The following UNC5D variants were observed in gnomAD, a reference collection of about 807,000 sequenced individuals.
UNC5D encodes unc-5 netrin receptor D, also known as netrin receptor UNC5D.
A neutral mutation model predicts 105.4 loss-of-function variants in UNC5D; 39 were observed. That is an observed-to-expected ratio of 0.37 (90% CI 0.29 to 0.48). The LOEUF (loss-of-function observed/expected upper bound fraction) is 0.48, where lower values mean the gene tolerates loss of function less well. Among genes scored for constraint, UNC5D ranks in the 20% least tolerant of loss-of-function variants. The pLI is 0.98. For missense variants in UNC5D, 991 were observed against 1,202.4 expected (o/e 0.82, Z 2.60); for synonymous variants, 452 against 450.4 (o/e 1.00, Z -0.04).
At chr8:35,505,450 T>G (rs1812250151) in intron 1 of UNC5D, among the ~76,000 whole-genome samples, 1 of 152,216 alleles carries the variant, frequency 6.6e-6, no homozygotes, top group South Asian at 2.1e-4. Flanking sequence ...TGGAAACTCC[T>G]GACAGTAGAA....
At chr8:35,472,938 G>A (rs985442846) in intron 1 of UNC5D, among the ~76,000 whole-genome samples, 1 of 152,204 alleles carries the variant, frequency 6.6e-6, no homozygotes, top group Non-Finnish European at 1.5e-5. Context: ...AATGACACCA[G>A]GTGGGAGTAA....
intron 1 of UNC5D, among the ~76,000 whole-genome samples, chr8:35,265,437 G>C (rs1397150894): frequency 6.6e-6 from 1 of 152,122 alleles, no homozygotes; most frequent in Non-Finnish European, 1.5e-5. Flanking sequence ...AGCAGCTATA[G>C]ACAATCCATT....
chr8:35,707,432 GGGA>G (rs1302223279), intron 8 of UNC5D, among the ~76,000 whole-genome samples: 1 of 152,114 alleles, frequency 6.6e-6, no homozygotes, highest in Non-Finnish European at 1.5e-5. Flanking sequence ...TTGAATTTAT[GGGA>G]AGACTGAGTT....
chr8:35,319,662 G>T (rs768398919), intron 1 of UNC5D, among the ~76,000 whole-genome samples: 1 of 152,040 alleles, frequency 6.6e-6, no homozygotes, highest in Non-Finnish European at 1.5e-5. Context: ...ATCCAGAAAG[G>T]AATAAGACTG....
intron 1 of UNC5D, among the ~76,000 whole-genome samples, chr8:35,512,255 C>T (rs1200055372): frequency 6.6e-6 from 1 of 151,374 alleles, no homozygotes; most frequent in African/African-American, 2.4e-5. Flanking sequence ...GATGCAGTGG[C>T]TCATGCCTGT....
chr8:35,362,195 G>A (rs1453270568), intron 1 of UNC5D, among the ~76,000 whole-genome samples: 2 of 152,124 alleles, frequency 1.3e-5, no homozygotes, highest in African/African-American at 2.4e-5. Context: ...TTCACAAGTT[G>A]CATTTCGCAA....
intron 1 of UNC5D, among the ~76,000 whole-genome samples, chr8:35,445,557 C>T (rs1268966286): frequency 6.6e-6 from 1 of 151,956 alleles, no homozygotes; most frequent in African/African-American, 2.4e-5. Context: ...AATGAAGAAA[C>T]TAAAGCTCAG....
chr8:35,473,311 G>T (rs1809868920), intron 1 of UNC5D, among the ~76,000 whole-genome samples: 1 of 152,162 alleles, frequency 6.6e-6, no homozygotes. Flanking sequence ...AGCGAACTCA[G>T]ATTTACTCTA....
intron 1 of UNC5D, among the ~76,000 whole-genome samples, chr8:35,536,866 C>T (rs1017651440): frequency 5.3e-5 from 8 of 152,036 alleles, no homozygotes; most frequent in Admixed American, 1.3e-4. Context: ...TGTAGTGGCA[C>T]GCACCTGTAG....
At chr8:35,617,701 C>T (rs887355872) in intron 4 of UNC5D, among the ~76,000 whole-genome samples, 10 of 152,192 alleles carry the variant, frequency 6.6e-5, no homozygotes, top group Admixed American at 2.0e-4. Context: ...GCAGCTGCAC[C>T]GTTCCCATTG....
chr8:35,241,643 T>A (rs959923427), intron 1 of UNC5D, among the ~76,000 whole-genome samples: 5 of 152,238 alleles, frequency 3.3e-5, no homozygotes, highest in Non-Finnish European at 7.3e-5. Context: ...TCACTTTTTT[T>A]TTTTCAAACT....
At chr8:35,443,235 G>A (rs1467170449) in intron 1 of UNC5D, among the ~76,000 whole-genome samples, 1 of 151,738 alleles carries the variant, frequency 6.6e-6, no homozygotes. Context: ...TCTGTAAAAT[G>A]TGTACCTACT....
chr8:35,382,848 T>C (rs912033520), intron 1 of UNC5D, among the ~76,000 whole-genome samples: 6 of 152,196 alleles, frequency 3.9e-5, no homozygotes, highest in African/African-American at 1.4e-4. Context: ...GTTTCACTTT[T>C]ACATCCTTGG....
chr8:35,651,004 G>C (rs1273291125), intron 4 of UNC5D, among the ~76,000 whole-genome samples: 1 of 152,174 alleles, frequency 6.6e-6, no homozygotes, highest in African/African-American at 2.4e-5. Flanking sequence ...GACAGGCTTA[G>C]CTTATAGAAT....
At chr8:35,544,327 G>A (rs1815485297) in intron 1 of UNC5D, 1 of 1,486,288 alleles carries the variant, frequency 6.7e-7, no homozygotes, top group Non-Finnish European at 9.0e-7. Context: ...GTGTAAGAAG[G>A]AAGATGCAGC....
chr8:35,494,262 T>A (rs1379213855), intron 1 of UNC5D, among the ~76,000 whole-genome samples: 1 of 152,188 alleles, frequency 6.6e-6, no homozygotes, highest in Admixed American at 6.6e-5. Context: ...TGGTGTCTCT[T>A]CAGAAATGCT....
At chr8:35,265,618 C>A (rs1804806212) in intron 1 of UNC5D, among the ~76,000 whole-genome samples, 3 of 152,104 alleles carry the variant, frequency 2.0e-5, no homozygotes, top group Admixed American at 2.0e-4. Context: ...GGCCTGTAAT[C>A]CCAGCACTTT....
At chr8:35,731,214 C>G in intron 11 of UNC5D, 118 bp downstream of exon 11, 3 of 898,358 alleles carry the variant, frequency 3.3e-6, no homozygotes, top group Non-Finnish European at 3.5e-6. Context: ...GCCTGGCCAA[C>G]ATGGCGAAAG....
intron 7 of UNC5D, among the ~76,000 whole-genome samples, chr8:35,700,131 C>T (rs1454537651): frequency 6.6e-6 from 1 of 152,200 alleles, no homozygotes; most frequent in Non-Finnish European, 1.5e-5. Flanking sequence ...GGCCTATCTG[C>T]CAGGCCCTGG....
Sources: gnomAD v4.1 joint callset for allele counts (sites outside exome capture counted in the v4.1 genomes callset) on GRCh38, gnomAD v4.1.1 for gene constraint, MANE v1.5 for transcripts, NCBI Gene and HGNC (gene_info 2026-07-23, HGNC 2026-07-21) for gene names.